PDE8B: variants seen among roughly 807,000 people sequenced by gnomAD.
The protein encoded by PDE8B is phosphodiesterase 8B.
PDE8B carries 26 observed loss-of-function variants against 101.3 expected under a neutral mutation model. That is an observed-to-expected ratio of 0.26 (90% CI 0.19 to 0.36). PDE8B has a LOEUF of 0.36. PDE8B is among the 10% of genes least tolerant of loss of function. PDE8B has a pLI of 1.00. For missense variants in PDE8B, 810 were observed against 1,163.1 expected, an observed-to-expected ratio of 0.70 and a Z score of 4.42; for synonymous variants, 424 against 429.3, an observed-to-expected ratio of 0.99 and a Z score of 0.15.
intron 11 of PDE8B, among the ~76,000 whole-genome samples, chr5:77,404,471 T>G (rs1470447702): frequency 6.6e-6 from 1 of 152,236 alleles, no homozygotes; most frequent in Non-Finnish European, 1.5e-5. Context: ...TAAATAACCC[T>G]TGATACTAAG....
intron 7 of PDE8B, 53 bp from the exon 8 acceptor site, chr5:77,349,366 A>G (rs1039727078): frequency 7.5e-6 from 12 of 1,609,542 alleles, no homozygotes; most frequent in South Asian, 4.4e-5. Context: ...CAGACATTTC[A>G]TGAATTCTGT....
At chr5:77,134,816 G>A in the PDE8B span, among the ~76,000 whole-genome samples, 4 of 152,128 alleles carry the variant, frequency 2.6e-5, no homozygotes, top group South Asian at 2.1e-4. Flanking sequence ...GACAACTGGC[G>A]GCACTAGGGG....
chr5:77,183,140 G>A, the PDE8B span, among the ~76,000 whole-genome samples: 1 of 132,326 alleles, frequency 7.6e-6, no homozygotes, highest in Admixed American at 7.3e-5. Flanking sequence ...ATTATTTTGA[G>A]ACAGAGTCTT....
chr5:77,387,357 G>A (rs1267027280), intron 10 of PDE8B, among the ~76,000 whole-genome samples: 2 of 152,138 alleles, frequency 1.3e-5, no homozygotes, highest in African/African-American at 4.8e-5. Flanking sequence ...ATTCTGGGTT[G>A]AAAATTCTTT....
the PDE8B span, among the ~76,000 whole-genome samples, chr5:77,189,312 G>T: frequency 3.3e-5 from 5 of 152,170 alleles, no homozygotes; most frequent in South Asian, 8.3e-4. Context: ...CAAGTGTTGG[G>T]ATAAAGTCAA....
the PDE8B span, among the ~76,000 whole-genome samples, chr5:77,097,685 T>TTATATATCTATATATATCTATATATA: frequency 2.2e-4 from 4 of 18,112 alleles, no homozygotes; most frequent in African/African-American, 5.1e-4. Flanking sequence ...TGTGGAGATT[T>TTATATATCTATATATATCTATATATA]TATATATCTA....
At chr5:77,099,755 G>A in the PDE8B span, among the ~76,000 whole-genome samples, 1 of 152,068 alleles carries the variant, frequency 6.6e-6, no homozygotes, top group Non-Finnish European at 1.5e-5. Context: ...GACTATAGGT[G>A]CACGTCACCA....
At chr5:77,404,431 T>C (rs1792988389) in intron 11 of PDE8B, among the ~76,000 whole-genome samples, 1 of 152,218 alleles carries the variant, frequency 6.6e-6, no homozygotes, top group South Asian at 2.1e-4. Flanking sequence ...CCCGGCCTAA[T>C]GTTTATTTTC....
At chr5:77,093,712 G>T in the PDE8B span, among the ~76,000 whole-genome samples, 1 of 152,102 alleles carries the variant, frequency 6.6e-6, no homozygotes, top group African/African-American at 2.4e-5. Flanking sequence ...CACCTTGTAG[G>T]AAACAGATGC....
At chr5:77,329,890 CA>C (rs1234233780) in intron 4 of PDE8B, among the ~76,000 whole-genome samples, 2 of 152,188 alleles carry the variant, frequency 1.3e-5, no homozygotes, top group African/African-American at 4.8e-5. Context: ...TGCCTCATTC[CA>C]AAGCCATGTG....
chr5:77,385,020 A>G (rs910739674), intron 10 of PDE8B, among the ~76,000 whole-genome samples: 10 of 151,944 alleles, frequency 6.6e-5, no homozygotes, highest in African/African-American at 2.4e-4. Context: ...CTCTTTTTGT[A>G]TTGTTTGGAA....
intron 1 of PDE8B, among the ~76,000 whole-genome samples, chr5:77,289,974 A>G (rs1196272143): frequency 2.0e-5 from 3 of 152,218 alleles, no homozygotes; most frequent in Admixed American, 6.5e-5. Context: ...TCATTTCCTT[A>G]TCACTGTGGG....
At chr5:77,176,120 A>G in the PDE8B span, among the ~76,000 whole-genome samples, 3 of 152,192 alleles carry the variant, frequency 2.0e-5, no homozygotes, top group East Asian at 3.9e-4. Context: ...TGAGTTATAC[A>G]TCGGAAGCAG....
chr5:77,409,129 C>A, intron 14 of PDE8B, 72 bp downstream of exon 14: 2 of 1,308,388 alleles, frequency 1.5e-6, no homozygotes, highest in Non-Finnish European at 2.2e-6. Context: ...GATGTGGAAA[C>A]TGTTACCTGT....
At chr5:77,231,936 C>T (rs1314544663) in intron 1 of PDE8B, among the ~76,000 whole-genome samples, 1 of 152,240 alleles carries the variant, frequency 6.6e-6, no homozygotes, top group African/African-American at 2.4e-5. Context: ...GTGCCTCCCA[C>T]TGGTCACATC....
At chr5:77,236,196 G>A (rs1754652221) in intron 1 of PDE8B, among the ~76,000 whole-genome samples, 1 of 152,246 alleles carries the variant, frequency 6.6e-6, no homozygotes. Flanking sequence ...GGCATTTTGA[G>A]AGAAGCACAA....
At chr5:77,378,668 G>A (rs943586683) in intron 10 of PDE8B, among the ~76,000 whole-genome samples, 1 of 152,118 alleles carries the variant, frequency 6.6e-6, no homozygotes, top group Non-Finnish European at 1.5e-5. Context: ...AATGCCGCCG[G>A]TACACTGAGC....
At chr5:77,121,795 C>T in the PDE8B span, among the ~76,000 whole-genome samples, 2 of 152,242 alleles carry the variant, frequency 1.3e-5, no homozygotes, top group Non-Finnish European at 1.5e-5. Flanking sequence ...TGTGAGCTAC[C>T]GCTTCCAGCC....
intron 1 of PDE8B, among the ~76,000 whole-genome samples, chr5:77,274,267 T>C (rs145273060): frequency 6.6e-5 from 10 of 152,336 alleles, no homozygotes; most frequent in Admixed American, 2.6e-4. Context: ...ATTTGCATTA[T>C]AGAGGTAAAT....
Sources: gnomAD v4.1 joint callset for allele counts (sites outside exome capture counted in the v4.1 genomes callset) on GRCh38, gnomAD v4.1.1 for gene constraint, MANE v1.5 for transcripts, NCBI Gene and HGNC (gene_info 2026-07-23, HGNC 2026-07-21) for gene names.